MARCHF11: variants seen among roughly 807,000 people sequenced by gnomAD.
MARCHF11 encodes the protein membrane associated ring-CH-type finger 11, also known as E3 ubiquitin-protein ligase MARCHF11.
In MARCHF11, 29 loss-of-function variants were observed where a neutral mutation model predicts 37.3. The ratio of observed to expected loss-of-function variants is 0.78; its 90% CI spans 0.58 to 1.06. The LOEUF is 1.06. MARCHF11 is among the 50% of genes least tolerant of loss of function. The pLI is 0.00. For missense variants in MARCHF11, 482 were observed against 533.4 expected (o/e 0.90, Z 0.95); for synonymous variants, 233 against 228.0 (o/e 1.02, Z -0.20).
intron 2 of MARCHF11, among the ~76,000 whole-genome samples, chr5:16,151,898 T>C (rs920128726): frequency 3.3e-5 from 5 of 151,920 alleles, no homozygotes; most frequent in African/African-American, 1.2e-4. Flanking sequence ...CATTTGGGGA[T>C]GAAGACAAAA....
Position 16,081,291 on chromosome 5 carries a change from T to C in MARCHF11, c.886+9598A>G, listed in dbSNP as rs1171088509. ...CAAACCTTTTCTGTAAAGGGCCAGA[T>C]AGTAAATCTTTCAAGCTGTGCTAAC... On this transcript the variant is annotated intron_variant, in intron 3 of 3. Transcript: ENST00000332432. 4.6e-5 allele frequency among the ~76,000 whole-genome samples: 7 copies of C among 152,292 alleles called. No individual in the cohort carries two copies. In the East Asian group the frequency reaches 1.2e-3, roughly 25 times the overall value.
chr5:16,125,827 T>C (rs191488627), intron 2 of MARCHF11, among the ~76,000 whole-genome samples: 91 of 152,274 alleles, frequency 6.0e-4, no homozygotes, highest in African/African-American at 2.1e-3. Context: ...AAATCCCTTA[T>C]GGGTTAACTT....
chr5:16,171,194 C>T (rs567871660), intron 2 of MARCHF11, among the ~76,000 whole-genome samples: 5 of 151,874 alleles, frequency 3.3e-5, no homozygotes, highest in East Asian at 1.9e-4. Flanking sequence ...CATGCTGGTG[C>T]GCTGCACCCA....
chr5:16,074,268 G>A (rs140079574), intron 3 of MARCHF11, among the ~76,000 whole-genome samples: 4 of 152,290 alleles, frequency 2.6e-5, no homozygotes, highest in African/African-American at 4.8e-5. Flanking sequence ...CAAGAGGAAA[G>A]TTCATAGCAT....
At chr5:16,118,277 C>T (rs1188878014) in intron 2 of MARCHF11, among the ~76,000 whole-genome samples, 1 of 152,194 alleles carries the variant, frequency 6.6e-6, no homozygotes, top group Non-Finnish European at 1.5e-5. Flanking sequence ...CCAAGCTAAT[C>T]GGGGAACCAA....
At chr5:16,101,820 T>G (rs1456893381) in intron 2 of MARCHF11, among the ~76,000 whole-genome samples, 1 of 152,226 alleles carries the variant, frequency 6.6e-6, no homozygotes, top group Non-Finnish European at 1.5e-5. Flanking sequence ...ACCTTCTCAC[T>G]TGAAATATTT....
chr5:16,123,342 C>G (rs903111931), intron 2 of MARCHF11, among the ~76,000 whole-genome samples: 6 of 152,030 alleles, frequency 3.9e-5, no homozygotes, highest in Non-Finnish European at 1.5e-5. Flanking sequence ...GGGAAGACCT[C>G]GTGAAAACCC....
chr5:16,077,309 C>A (rs1421549474), intron 3 of MARCHF11, among the ~76,000 whole-genome samples: 1 of 151,984 alleles, frequency 6.6e-6, no homozygotes, highest in Non-Finnish European at 1.5e-5. Flanking sequence ...ATAAATACAA[C>A]TAATTTTCTG....
intron 3 of MARCHF11, among the ~76,000 whole-genome samples, chr5:16,084,928 G>A (rs1323002225): frequency 6.6e-6 from 1 of 151,994 alleles, no homozygotes; most frequent in African/African-American, 2.4e-5. Flanking sequence ...TTTCAAAAGA[G>A]CCTCAAGAGA....
intron 3 of MARCHF11, among the ~76,000 whole-genome samples, chr5:16,089,384 G>A (rs1012685390): frequency 6.6e-6 from 1 of 152,048 alleles, no homozygotes; most frequent in African/African-American, 2.4e-5. Flanking sequence ...GATTATATTT[G>A]AATAAAGATT....
intron 2 of MARCHF11, among the ~76,000 whole-genome samples, chr5:16,129,558 ATATT>A (rs1247459276): frequency 1.3e-5 from 2 of 152,186 alleles, no homozygotes; most frequent in African/African-American, 4.8e-5. Context: ...TGTTCACATA[ATATT>A]TATTTTAGAG....
intron 2 of MARCHF11, among the ~76,000 whole-genome samples, chr5:16,151,649 A>ATGTGTTTG (rs1553998154): frequency 2.3e-5 from 3 of 131,410 alleles, no homozygotes; most frequent in African/African-American, 8.7e-5. Context: ...CGTGAGTTGA[A>ATGTGTTTG]TGTGTGTGTG....
chr5:16,073,944 T>C (rs1736475880), intron 3 of MARCHF11, among the ~76,000 whole-genome samples: 1 of 152,242 alleles, frequency 6.6e-6, no homozygotes, highest in Non-Finnish European at 1.5e-5. Flanking sequence ...CTGCAGAACA[T>C]ACATTCCGTT....
intron 2 of MARCHF11, among the ~76,000 whole-genome samples, chr5:16,159,393 T>C (rs182077741): frequency 6.6e-6 from 1 of 152,032 alleles, no homozygotes; most frequent in Non-Finnish European, 1.5e-5. Context: ...GTGTATGAGT[T>C]AGATAATAAG....
intron 2 of MARCHF11, among the ~76,000 whole-genome samples, chr5:16,100,362 T>C (rs908779571): frequency 2.6e-5 from 4 of 152,150 alleles, no homozygotes; most frequent in African/African-American, 9.7e-5. Context: ...AAGGTAAAAC[T>C]GGCCCAAGGC....
intron 2 of MARCHF11, among the ~76,000 whole-genome samples, chr5:16,170,096 T>G (rs2126609520): frequency 6.6e-6 from 1 of 152,244 alleles, no homozygotes. Flanking sequence ...TGCAAACTGC[T>G]CATCAAAAAA....
chr5:16,160,022 A>G (rs190376760), intron 2 of MARCHF11, among the ~76,000 whole-genome samples: 1 of 151,986 alleles, frequency 6.6e-6, no homozygotes, highest in East Asian at 1.9e-4. Context: ...CGAAAATCTG[A>G]AGCCAAACAA....
chr5:16,136,063 T>A (rs1480636797), intron 2 of MARCHF11, among the ~76,000 whole-genome samples: 1 of 152,096 alleles, frequency 6.6e-6, no homozygotes, highest in African/African-American at 2.4e-5. Context: ...TCCATTACTA[T>A]GCCTCAGTTT....
rs115891115 is a variant in MARCHF11 at position 16,152,403 on chromosome 5, G to C, written c.693+25323C>G. ...AGTAATAACTGTTATCAATATCCAT[G>C]TTACAAACCATATCAAATCCTGTTA... On this transcript the variant is annotated intron_variant, in intron 2 of 3. Coordinates refer to ENST00000332432, the MANE Select transcript of MARCHF11 (RefSeq NM_001102562.3). 2.2e-3 allele frequency among the ~76,000 whole-genome samples: 334 copies of C among 152,074 alleles called. 3 individuals carry two copies. Among genetic ancestry groups the C allele is most frequent in the Non-Finnish European group, 3.3e-3 (226 of 67,928 alleles).
Sources: gnomAD v4.1 joint callset for allele counts (sites outside exome capture counted in the v4.1 genomes callset) on GRCh38, gnomAD v4.1.1 for gene constraint, MANE v1.5 for transcripts, NCBI Gene and HGNC (gene_info 2026-07-23, HGNC 2026-07-21) for gene names.